PTPRM: variants seen among roughly 807,000 people sequenced by gnomAD.
The protein encoded by PTPRM is protein tyrosine phosphatase receptor type M.
In PTPRM, 47 loss-of-function variants were observed where a neutral mutation model predicts 186.7. That is an observed-to-expected ratio of 0.25 (90% CI 0.20 to 0.32). PTPRM has a LOEUF of 0.32. PTPRM is among the 10% of genes least tolerant of loss of function. The probability of loss-of-function intolerance (pLI) is 1.00; values close to 1 mark genes in which losing one functional copy is unlikely to be tolerated. For synonymous variants in PTPRM, 668 were observed against 674.9 expected, an observed-to-expected ratio of 0.99 and a Z score of 0.16; for missense variants, 1,494 against 1,865.0, an observed-to-expected ratio of 0.80 and a Z score of 3.66.
intron 1 of PTPRM, among the ~76,000 whole-genome samples, chr18:7,660,026 A>C (rs2038942388): frequency 6.6e-6 from 1 of 152,136 alleles, no homozygotes; most frequent in Admixed American, 6.6e-5. Context: ...CTTGCTTACA[A>C]AAAGGAAAGA....
intron 2 of PTPRM, among the ~76,000 whole-genome samples, chr18:7,844,521 T>C (rs190905374): frequency 5.3e-5 from 8 of 152,256 alleles, no homozygotes; most frequent in African/African-American, 1.4e-4. Context: ...AGAACTTTCA[T>C]GTAGAGCCTC....
chr18:7,936,106 G>A (rs1432491758), intron 5 of PTPRM, among the ~76,000 whole-genome samples: 4 of 152,184 alleles, frequency 2.6e-5, no homozygotes, highest in South Asian at 2.1e-4. Flanking sequence ...TCATGGGGCT[G>A]GCGGGAACTG....
At chr18:7,725,025 T>G (rs2040518435) in intron 1 of PTPRM, among the ~76,000 whole-genome samples, 1 of 152,196 alleles carries the variant, frequency 6.6e-6, no homozygotes, top group South Asian at 2.1e-4. Context: ...GTTCAGAAAC[T>G]TATTCAACTT....
chr18:8,251,421 C>T lies in PTPRM; in HGVS notation c.2555-1067C>T, dbSNP rs1301032650. ...AAGCTCAAGGGATTCGGTACTTCAG[C>T]AGGGTTCCTGTATCCCAGTTTATAA... On this transcript the variant is annotated intron_variant, in intron 17 of 32. Transcript: ENST00000580170. Among the ~76,000 whole-genome samples, 4 of 152,338 alleles carry T rather than the reference C, an allele frequency of 2.6e-5. No homozygotes were observed. The Middle Eastern group carries it at 0.014, about 518-fold the overall frequency.
At chr18:7,679,171 G>A (rs1418854817) in intron 1 of PTPRM, among the ~76,000 whole-genome samples, 2 of 152,174 alleles carry the variant, frequency 1.3e-5, no homozygotes, top group East Asian at 1.9e-4. Context: ...GTAACTCCAA[G>A]ATATGTAGCA....
intron 24 of PTPRM, among the ~76,000 whole-genome samples, chr18:8,374,771 A>G (rs961027495): frequency 6.6e-6 from 1 of 152,260 alleles, no homozygotes; most frequent in South Asian, 2.1e-4. Context: ...AAATGAAGAC[A>G]TGTTAACACA....
At chr18:7,913,902 GTAT>G (rs1178551561) in intron 4 of PTPRM, among the ~76,000 whole-genome samples, 2 of 152,004 alleles carry the variant, frequency 1.3e-5, no homozygotes, top group Admixed American at 1.3e-4. Context: ...AGACTGTCCT[GTAT>G]TATTACTTGG....
chr18:7,596,025 T>C (rs2037249183), intron 1 of PTPRM, among the ~76,000 whole-genome samples: 1 of 152,186 alleles, frequency 6.6e-6, no homozygotes, highest in Non-Finnish European at 1.5e-5. Context: ...GGTAAGGTGT[T>C]TTAGGCATTT....
At chr18:7,774,083 A>C in intron 1 of PTPRM, 66 bp from the exon 2 acceptor site, 5 of 1,489,320 alleles carry the variant, frequency 3.4e-6, no homozygotes, top group Non-Finnish European at 4.6e-6. Flanking sequence ...GCTTCCTGCA[A>C]TCATCATAGC....
chr18:8,298,408 G>A (rs972994648), intron 20 of PTPRM, among the ~76,000 whole-genome samples: 2 of 152,164 alleles, frequency 1.3e-5, no homozygotes, highest in Admixed American at 6.5e-5. Context: ...ATGTGGCCTC[G>A]TGCTGAGCAT....
intron 10 of PTPRM, 70 bp from the exon 11 acceptor site, chr18:8,088,679 G>C (rs2090556769): frequency 7.8e-7 from 1 of 1,285,504 alleles, no homozygotes; most frequent in African/African-American, 1.5e-5. Context: ...CTTTGTAAAA[G>C]AAAGTGGAAA....
chr18:8,238,719 C>A (rs553154414), intron 14 of PTPRM, among the ~76,000 whole-genome samples: 85 of 119,164 alleles, frequency 7.1e-4, no homozygotes, highest in Non-Finnish European at 1.3e-3. Context: ...GTAACAGGAA[C>A]TGTGGTAAAT....
intron 20 of PTPRM, among the ~76,000 whole-genome samples, chr18:8,307,483 A>T (rs1439575035): frequency 6.6e-6 from 1 of 152,188 alleles, no homozygotes; most frequent in Non-Finnish European, 1.5e-5. Context: ...CATAAACTAC[A>T]TAATGTATGA....
chr18:7,949,406 G>T, intron 6 of PTPRM, 51 bp downstream of exon 6: 5 of 1,480,952 alleles, frequency 3.4e-6, no homozygotes, highest in Non-Finnish European at 4.6e-6. Flanking sequence ...AGATATGTTA[G>T]GTGTTGTTAG....
At chr18:7,797,780 G>A (rs1392712370) in intron 2 of PTPRM, among the ~76,000 whole-genome samples, 1 of 152,194 alleles carries the variant, frequency 6.6e-6, no homozygotes, top group Non-Finnish European at 1.5e-5. Context: ...GATGACACCT[G>A]CAGTGTTTCA....
chr18:7,586,379 C>T (rs1343502896), intron 1 of PTPRM, among the ~76,000 whole-genome samples: 3 of 152,116 alleles, frequency 2.0e-5, no homozygotes, highest in Non-Finnish European at 4.4e-5. Flanking sequence ...GAAAGAACAT[C>T]AGTCCTTAGG....
intron 20 of PTPRM, among the ~76,000 whole-genome samples, chr18:8,299,797 G>T (rs139100501): frequency 1.3e-5 from 2 of 152,114 alleles, no homozygotes; most frequent in Non-Finnish European, 2.9e-5. Context: ...GAAACAGATG[G>T]GTCTGACTAT....
At chr18:8,339,550 G>A (rs2095461808) in intron 22 of PTPRM, among the ~76,000 whole-genome samples, 1 of 152,136 alleles carries the variant, frequency 6.6e-6, no homozygotes, top group African/African-American at 2.4e-5. Flanking sequence ...AAAATCTTGG[G>A]AGTTTGTTTG....
chr18:7,679,927 A>G (rs2039442089), intron 1 of PTPRM, among the ~76,000 whole-genome samples: 1 of 152,064 alleles, frequency 6.6e-6, no homozygotes. Flanking sequence ...GTGCAGTGGC[A>G]TGATCACAGC....
Sources: gnomAD v4.1 joint callset for allele counts (sites outside exome capture counted in the v4.1 genomes callset) on GRCh38, gnomAD v4.1.1 for gene constraint, MANE v1.5 for transcripts, NCBI Gene and HGNC (gene_info 2026-07-23, HGNC 2026-07-21) for gene names.